The following NCOR1 variants were observed in gnomAD, a reference collection of about 807,000 sequenced individuals.
NCOR1 encodes the protein protein phosphatase 1, regulatory subunit 109.
A neutral mutation model predicts 288.1 loss-of-function variants in NCOR1; 63 were observed. The observed-to-expected ratio is 0.22, with a 90% CI of 0.18 to 0.27. The LOEUF (loss-of-function observed/expected upper bound fraction) is 0.27. Among genes scored for constraint, NCOR1 ranks in the 10% least tolerant of loss-of-function variants. NCOR1 has a pLI of 1.00. For missense variants in NCOR1, 2,397 were observed against 3,019.2 expected (o/e 0.79, Z 4.83); for synonymous variants, 1,007 against 1,065.9 (o/e 0.94, Z 1.08).
rs1014271734 is a variant in NCOR1 at position 16,194,623 on chromosome 17, T to C, written c.-54A>G. 4 of 1,165,862 alleles carry C rather than the reference T, an allele frequency of 3.4e-6. No homozygotes were observed. The highest frequency in any genetic ancestry group is 5.0e-6 in the Non-Finnish European group (4 of 797,596). 72.2% of individuals were successfully genotyped at this position (1,165,862 alleles called of 1,614,324 possible). A position where few individuals can be genotyped will look rare whatever the true frequency, so the allele number is the denominator to read the frequency against. ...TGAGATCAATGCCAATAAACAATCATGTTTCTAGGAAACCACCTAAACAGG... is the reference window on the plus strand; with the variant it reads ...TGAGATCAATGCCAATAAACAATCACGTTTCTAGGAAACCACCTAAACAGG... On this transcript the variant is annotated 5_prime_UTR_variant, in exon 2 of 46. An upstream start codon of the reference 5' UTR is lost. Transcript: ENST00000268712.
At position 16,207,737 on chromosome 17, in the gene NCOR1, T is replaced by C. The variant is rs1289546564; in HGVS notation, c.-71+7625A>G. 3.4e-5 allele frequency among the ~76,000 whole-genome samples: 4 copies of C among 118,306 alleles called. No homozygotes were observed. In the East Asian group the frequency reaches 7.2e-4, roughly 21 times the overall value. 77.6% of individuals were successfully genotyped at this position (118,306 alleles called of 152,430 possible). A position where few individuals can be genotyped will look rare whatever the true frequency, so the allele number is the denominator to read the frequency against. ...GCCTGGGTGAGAGCGAGACTCCATC[T>C]CCAAAAAAAAAAAAAAAAGAAAAGA... On this transcript the variant is annotated intron_variant, in intron 1 of 45. Coordinates refer to ENST00000268712, the MANE Select transcript of NCOR1 (RefSeq NM_006311.4).
intron 22 of NCOR1, among the ~76,000 whole-genome samples, chr17:16,089,116 T>C (rs57825293): frequency 0.052 from 7,888 of 150,738 alleles, 256 homozygotes; most frequent in African/African-American, 0.1. Flanking sequence ...CCACTGGTCA[T>C]AGTAGTGGTT....
Position 16,149,316 on chromosome 17 carries a change from T to C in NCOR1, c.909+135A>G, listed in dbSNP as rs1252691570. The C allele has an allele frequency of 1.6e-5, 4 of 248,306 alleles. No homozygotes were observed. In the Admixed American group the frequency reaches 2.0e-4, roughly 13 times the overall value. The allele number at this position is 248,306 out of a possible 1,614,324, so 15.4% of individuals were successfully genotyped here. A position where few individuals can be genotyped will look rare whatever the true frequency, so the allele number is the denominator to read the frequency against. On this transcript the variant is annotated intron_variant, in intron 9 of 45. Transcript: ENST00000268712. ...TCATATATATATATATATATATATA[T>C]GGTTACTTTCTAAATCAGCACTTAT...
At chr17:16,114,159 A>AAAAAAAAC (rs1598824881) in intron 18 of NCOR1, among the ~76,000 whole-genome samples, 4 of 147,934 alleles carry the variant, frequency 2.7e-5, no homozygotes, top group Admixed American at 6.8e-5. Flanking sequence ...AAAAAAAAAA[A>AAAAAAAAC]AAAAAAAAAA....
chr17:16,127,781 T>G (rs2074977276), intron 14 of NCOR1, among the ~76,000 whole-genome samples: 1 of 151,070 alleles, frequency 6.6e-6, no homozygotes, highest in Non-Finnish European at 1.5e-5. Flanking sequence ...ATATTAGGGT[T>G]CGGTACTATC....
chr17:16,163,201 C>T (rs913362842), intron 5 of NCOR1, among the ~76,000 whole-genome samples: 3 of 152,038 alleles, frequency 2.0e-5, no homozygotes, highest in African/African-American at 7.2e-5. Context: ...AACTTTTATA[C>T]ATCAAAGGAT....
At chr17:16,144,244 T>C (rs1432362215) in intron 10 of NCOR1, among the ~76,000 whole-genome samples, 2 of 152,248 alleles carry the variant, frequency 1.3e-5, no homozygotes, top group Non-Finnish European at 2.9e-5. Context: ...AGTTTGAATA[T>C]GTTGGTAACG....
chr17:16,101,790 G>C, intron 19 of NCOR1, 33 bp from the exon 20 acceptor site: 1 of 1,612,292 alleles, frequency 6.2e-7, no homozygotes, highest in South Asian at 1.1e-5. Context: ...TTCTGTATCA[G>C]AACTATTTTC....
intron 14 of NCOR1, among the ~76,000 whole-genome samples, chr17:16,134,614 G>A (rs2076121271): frequency 6.6e-6 from 1 of 152,084 alleles, no homozygotes; most frequent in African/African-American, 2.4e-5. Flanking sequence ...CTGTGTCCCA[G>A]ACAACTTTAG....
intron 5 of NCOR1, among the ~76,000 whole-genome samples, chr17:16,162,508 G>C (rs868429253): frequency 1.9e-4 from 28 of 148,214 alleles, no homozygotes; most frequent in African/African-American, 6.4e-4. Flanking sequence ...AAAAATAACA[G>C]AACCCCGAAG....
At position 16,157,707 on chromosome 17, in the gene NCOR1, T is replaced by G. The variant is rs527796099; in HGVS notation, c.732+1053A>C. 4.2e-3 allele frequency among the ~76,000 whole-genome samples: 628 copies of G among 150,940 alleles called. 7 individuals are homozygous for G. Among genetic ancestry groups the G allele is most frequent in the African/African-American group, 0.015 (606 of 41,462 alleles). On this transcript the variant is annotated intron_variant, in intron 6 of 45. Transcript: ENST00000268712. ...CTAAAAACCCTATTCTATCCCACAG[T>G]ATAAAGCATATTATCATTTTTTGCA...
chr17:16,126,434 G>T (rs993934437), intron 14 of NCOR1, among the ~76,000 whole-genome samples: 1 of 152,030 alleles, frequency 6.6e-6, no homozygotes, highest in Admixed American at 6.6e-5. Flanking sequence ...TTGGACCCAC[G>T]AGAAAGTGAA....
At chr17:16,040,114 A>G in intron 43 of NCOR1, 1 of 500,488 alleles carries the variant, frequency 2.0e-6, no homozygotes, top group South Asian at 1.5e-5. Context: ...ATCCACAGAT[A>G]ACTCCTTAAG....
chr17:16,195,438 G>A (rs908907396), intron 1 of NCOR1, among the ~76,000 whole-genome samples: 4 of 151,810 alleles, frequency 2.6e-5, no homozygotes, highest in African/African-American at 4.8e-5. Flanking sequence ...GCCATTGCAC[G>A]CCAGCCGGGG....
Position 16,082,670 on chromosome 17 carries a change from G to C in NCOR1, c.3178-1943C>G, listed in dbSNP as rs1400955101. On this transcript the variant is annotated intron_variant, in intron 23 of 45. Transcript: ENST00000268712. ...GGAGACTGATGCTACAGTGAGCTAA[G>C]ATCATGCCACTGCACTCCAGCCTGA... Among the ~76,000 whole-genome samples the C allele has an allele frequency of 1.3e-4, 20 of 151,662 alleles. No individual in the cohort carries two copies. In the East Asian group the frequency reaches 3.3e-3, roughly 25 times the overall value.
intron 2 of NCOR1, among the ~76,000 whole-genome samples, chr17:16,192,797 A>T (rs563210547): frequency 6.6e-6 from 1 of 152,256 alleles, no homozygotes; most frequent in Admixed American, 6.5e-5. Flanking sequence ...AATTTTACTT[A>T]TAATAATCAA....
chr17:16,050,652 A>C (rs1018910747), intron 40 of NCOR1, among the ~76,000 whole-genome samples: 6 of 152,198 alleles, frequency 3.9e-5, no homozygotes, highest in Non-Finnish European at 7.3e-5. Context: ...CAATCAGCCC[A>C]TCCAGTTGTT....
intron 1 of NCOR1, among the ~76,000 whole-genome samples, chr17:16,211,751 G>GA (rs1391971829): frequency 6.6e-6 from 1 of 151,682 alleles, no homozygotes; most frequent in African/African-American, 2.4e-5. Context: ...ACTGGGGTAG[G>GA]AAAAAAATGG....
In NCOR1 at chr17:16,037,604, C is replaced by A. The variant is rs373712571; in HGVS notation, c.6955+1829G>T. On this transcript the variant is annotated intron_variant, in intron 44 of 45. Transcript: ENST00000268712. ...TACAGAAACTACTAAAGAAAGAAGG[C>A]AGGGTGACAAAAATCATACTTCACT... 5.9e-5 allele frequency among the ~76,000 whole-genome samples: 9 copies of A among 152,240 alleles called. No individual in the cohort carries two copies. In the South Asian group the frequency reaches 1.5e-3, roughly 25 times the overall value.
Sources: allele counts gnomAD v4.1 joint callset (sites outside exome capture counted in the v4.1 genomes callset), GRCh38; gene constraint gnomAD v4.1.1; transcripts MANE v1.5; gene names NCBI Gene and HGNC (gene_info 2026-07-23, HGNC 2026-07-21).